NRXN3: variants seen among roughly 807,000 people sequenced by gnomAD.
The protein encoded by NRXN3 is neurexin III.
In NRXN3, 32 loss-of-function variants were observed where a neutral mutation model predicts 137.6. That is an observed-to-expected ratio of 0.23 (90% CI 0.18 to 0.31). The LOEUF (loss-of-function observed/expected upper bound fraction) is 0.31, where lower values mean the gene tolerates loss of function less well. Ranked by LOEUF, NRXN3 falls within the 10% of genes least tolerant of loss-of-function variation. The pLI is 1.00. For missense variants in NRXN3, 1,574 were observed against 2,062.5 expected (o/e 0.76, Z 4.59); for synonymous variants, 798 against 784.5 (o/e 1.02, Z -0.29).
chr14:78,916,343 A>G (rs1435908626), intron 10 of NRXN3, among the ~76,000 whole-genome samples: 1 of 152,204 alleles, frequency 6.6e-6, no homozygotes, highest in Admixed American at 6.5e-5. Context: ...TGCTAGAAAA[A>G]TGTTCCAAAG....
intron 16 of NRXN3, among the ~76,000 whole-genome samples, chr14:79,633,534 A>C (rs2098377841): frequency 6.6e-6 from 1 of 152,208 alleles, no homozygotes; most frequent in South Asian, 2.1e-4. Context: ...CTAGCTGTTT[A>C]ATGTGTCACT....
intron 20 of NRXN3, among the ~76,000 whole-genome samples, chr14:79,837,713 A>C (rs7143634): frequency 0.73 from 110,669 of 152,030 alleles, 40,672 homozygotes; most frequent in East Asian, 0.91. Flanking sequence ...GCTTCCACAC[A>C]GTTAAGTTCT....
chr14:78,321,151 C>T (rs1265643777), intron 4 of NRXN3, among the ~76,000 whole-genome samples: 3 of 151,896 alleles, frequency 2.0e-5, no homozygotes, highest in African/African-American at 7.3e-5. Flanking sequence ...AAAAGATCAC[C>T]CAGCCCTAAA....
At chr14:79,129,428 G>A (rs369983832) in intron 15 of NRXN3, among the ~76,000 whole-genome samples, 49,204 of 149,878 alleles carry the variant, frequency 0.33, 8,594 homozygotes, top group Admixed American at 0.46. Context: ...CCTTCATTTC[G>A]TTATGTACCC....
chr14:79,701,583 G>A (rs947395503), intron 19 of NRXN3, among the ~76,000 whole-genome samples: 1 of 152,038 alleles, frequency 6.6e-6, no homozygotes, highest in Admixed American at 6.6e-5. Context: ...AGAGGCTCAG[G>A]GCTTCCAGAG....
At chr14:79,162,717 G>A (rs1286059434) in intron 15 of NRXN3, among the ~76,000 whole-genome samples, 3 of 151,924 alleles carry the variant, frequency 2.0e-5, no homozygotes, top group Non-Finnish European at 4.4e-5. Context: ...TGGAGAAGAT[G>A]TGGAGAAATA....
At chr14:78,410,658 T>C (rs2092774169) in intron 4 of NRXN3, among the ~76,000 whole-genome samples, 1 of 152,142 alleles carries the variant, frequency 6.6e-6, no homozygotes, top group Non-Finnish European at 1.5e-5. Flanking sequence ...AACATTGGAT[T>C]ACAATCAAAG....
chr14:79,411,454 C>T (rs1415362905), intron 15 of NRXN3, among the ~76,000 whole-genome samples: 1 of 152,106 alleles, frequency 6.6e-6, no homozygotes, highest in East Asian at 1.9e-4. Context: ...CATCTTGTCA[C>T]ATTGTATAGC....
chr14:78,379,032 T>A (rs2088498382), intron 4 of NRXN3, among the ~76,000 whole-genome samples: 1 of 45,998 alleles, frequency 2.2e-5, no homozygotes, highest in African/African-American at 8.6e-5. Context: ...AAGAAACAGA[T>A]CACATTCTGA....
At chr14:79,819,876 T>C (rs1400472223) in intron 20 of NRXN3, among the ~76,000 whole-genome samples, 10 of 152,028 alleles carry the variant, frequency 6.6e-5, no homozygotes, top group Admixed American at 4.6e-4. Flanking sequence ...ACCAGGGTCA[T>C]CTCCACCCAG....
At chr14:78,816,683 T>C (rs1038522429) in intron 10 of NRXN3, among the ~76,000 whole-genome samples, 1 of 152,212 alleles carries the variant, frequency 6.6e-6, no homozygotes, top group Non-Finnish European at 1.5e-5. Context: ...AAAGTAGAAC[T>C]GCTGAGTCAA....
intron 15 of NRXN3, among the ~76,000 whole-genome samples, chr14:79,115,014 C>T (rs574722673): frequency 2.4e-4 from 36 of 152,050 alleles, no homozygotes; most frequent in Non-Finnish European, 4.4e-4. Context: ...AATGAGCCAC[C>T]GGCATCTTAA....
chr14:79,080,505 C>T (rs75947589), intron 15 of NRXN3, among the ~76,000 whole-genome samples: 6,591 of 152,234 alleles, frequency 0.043, 507 homozygotes, highest in African/African-American at 0.15. Flanking sequence ...ACTTTTCCCC[C>T]AGAGTGTATA....
chr14:79,097,593 C>A (rs8004582), intron 15 of NRXN3, among the ~76,000 whole-genome samples: 76,337 of 152,086 alleles, frequency 0.5, 22,370 homozygotes, highest in East Asian at 0.78. Flanking sequence ...CTGGATGAAC[C>A]GATAGCATTC....
At chr14:79,790,573 T>C (rs1295739342) in intron 19 of NRXN3, among the ~76,000 whole-genome samples, 1 of 151,382 alleles carries the variant, frequency 6.6e-6, no homozygotes, top group Non-Finnish European at 1.5e-5. Context: ...TCCCCAAAAG[T>C]TCTGTAATTA....
At chr14:79,153,235 A>C (rs1006914880) in intron 15 of NRXN3, among the ~76,000 whole-genome samples, 3 of 152,024 alleles carry the variant, frequency 2.0e-5, no homozygotes, top group Non-Finnish European at 2.9e-5. Flanking sequence ...GCTGTTAAAC[A>C]CAGCTATTTT....
At chr14:78,877,143 A>G (rs909400888) in intron 10 of NRXN3, among the ~76,000 whole-genome samples, 2 of 152,200 alleles carry the variant, frequency 1.3e-5, no homozygotes, top group African/African-American at 2.4e-5. Flanking sequence ...CATTCATTCA[A>G]TTGCTTCTTG....
chr14:79,024,069 A>T (rs2099594221), intron 15 of NRXN3, among the ~76,000 whole-genome samples: 2 of 152,154 alleles, frequency 1.3e-5, no homozygotes, highest in Non-Finnish European at 2.9e-5. Context: ...AAGTTAAACG[A>T]GCTGAAGTAG....
At chr14:78,423,852 A>G (rs2093557051) in intron 4 of NRXN3, among the ~76,000 whole-genome samples, 2 of 152,244 alleles carry the variant, frequency 1.3e-5, no homozygotes, top group South Asian at 4.1e-4. Context: ...TATTATTATG[A>G]AAGAATCTGG....
Sources: gnomAD v4.1 joint callset for allele counts (sites outside exome capture counted in the v4.1 genomes callset) on GRCh38, gnomAD v4.1.1 for gene constraint, MANE v1.5 for transcripts, NCBI Gene and HGNC (gene_info 2026-07-23, HGNC 2026-07-21) for gene names.